GRID1: variants seen among roughly 807,000 people sequenced by gnomAD.
GRID1 encodes the protein glutamate receptor ionotropic, delta-1.
Under a neutral mutation model 98.0 loss-of-function variants are expected in GRID1, and 28 were observed. The observed-to-expected ratio is 0.29, with a 90% CI of 0.21 to 0.39. The LOEUF (loss-of-function observed/expected upper bound fraction) is 0.39. Among genes scored for constraint, GRID1 ranks in the 10% least tolerant of loss-of-function variants. GRID1 has a pLI of 1.00. For missense variants in GRID1, 1,111 were observed against 1,340.5 expected (o/e 0.83, Z 2.67); for synonymous variants, 553 against 538.5 (o/e 1.03, Z -0.37).
chr10:85,654,453 AT>A (rs2132561412), intron 12 of GRID1, among the ~76,000 whole-genome samples: 1 of 152,362 alleles, frequency 6.6e-6, no homozygotes, highest in Non-Finnish European at 1.5e-5. Context: ...TACGTTATAA[AT>A]AAAAAATGTG....
chr10:85,861,233 G>C (rs1843161220), intron 6 of GRID1, among the ~76,000 whole-genome samples: 1 of 152,124 alleles, frequency 6.6e-6, no homozygotes, highest in Non-Finnish European at 1.5e-5. Flanking sequence ...AGGCACAAAG[G>C]GATCATGTCT....
chr10:85,744,207 A>G (rs182946731), intron 8 of GRID1, among the ~76,000 whole-genome samples: 3 of 152,286 alleles, frequency 2.0e-5, no homozygotes, highest in African/African-American at 7.2e-5. Context: ...CTATAGTCTT[A>G]AAGATGTACC....
At chr10:86,024,649 C>T (rs1427717645) in intron 4 of GRID1, among the ~76,000 whole-genome samples, 1 of 152,176 alleles carries the variant, frequency 6.6e-6, no homozygotes, top group African/African-American at 2.4e-5. Context: ...TTGTTCTGAG[C>T]CCCACCTCTC....
intron 12 of GRID1, among the ~76,000 whole-genome samples, chr10:85,713,162 C>T: frequency 6.6e-6 from 1 of 151,136 alleles, no homozygotes; most frequent in East Asian, 1.9e-4. Flanking sequence ...ATTGGAAAAC[C>T]TTTAGCTAGA....
At chr10:85,857,134 T>G (rs987804659) in intron 6 of GRID1, among the ~76,000 whole-genome samples, 9 of 152,226 alleles carry the variant, frequency 5.9e-5, no homozygotes, top group African/African-American at 2.2e-4. Context: ...GTGCCTGCTC[T>G]GCAGTGGAGT....
chr10:85,878,368 G>T (rs1020807585), intron 5 of GRID1, among the ~76,000 whole-genome samples: 3 of 152,130 alleles, frequency 2.0e-5, no homozygotes, highest in Non-Finnish European at 4.4e-5. Context: ...GGCAGCCAGA[G>T]AGAAAGGTCG....
intron 4 of GRID1, among the ~76,000 whole-genome samples, chr10:86,073,966 G>C (rs1429195930): frequency 1.5e-5 from 2 of 136,558 alleles, no homozygotes; most frequent in Non-Finnish European, 3.3e-5. Flanking sequence ...GGGAGGGTGG[G>C]GGAAATTCCC....
chr10:86,170,766 A>T (rs1255152283), intron 3 of GRID1, among the ~76,000 whole-genome samples: 3 of 152,182 alleles, frequency 2.0e-5, no homozygotes, highest in Non-Finnish European at 2.9e-5. Flanking sequence ...CTTCTTGGGG[A>T]TGTGTCAGAG....
chr10:86,266,667 G>A (rs1369407563), intron 2 of GRID1, among the ~76,000 whole-genome samples: 1 of 152,242 alleles, frequency 6.6e-6, no homozygotes, highest in Non-Finnish European at 1.5e-5. Flanking sequence ...TGGCAAGAGA[G>A]ATAAGAAAAG....
At chr10:86,266,053 C>T (rs778401660) in intron 2 of GRID1, among the ~76,000 whole-genome samples, 5 of 152,074 alleles carry the variant, frequency 3.3e-5, no homozygotes, top group Non-Finnish European at 7.4e-5. Context: ...CCCCGTGGAG[C>T]GCTGAGACAA....
At chr10:85,913,870 G>A (rs546279480) in intron 5 of GRID1, among the ~76,000 whole-genome samples, 2 of 152,302 alleles carry the variant, frequency 1.3e-5, no homozygotes, top group South Asian at 4.1e-4. Context: ...AAGAAAGGAG[G>A]AAGATGAGGC....
chr10:85,755,116 C>CATACT, intron 8 of GRID1, among the ~76,000 whole-genome samples: 1 of 152,044 alleles, frequency 6.6e-6, no homozygotes, highest in Non-Finnish European at 1.5e-5. Context: ...CTGTTTTGGC[C>CATACT]GGCCCTTTTT....
In GRID1 at chr10:85,774,792, G is replaced by A. The variant is rs866926249; in HGVS notation, c.1234-45178C>T. Among the ~76,000 whole-genome samples the A allele has an allele frequency of 3.7e-3, 549 of 150,166 alleles. 3 individuals are homozygous for A. Among genetic ancestry groups the A allele is most frequent in the African/African-American group, 0.013 (522 of 41,222 alleles). ...CACAATGAGATACCATCTCACACCA[G>A]TTAGAATGGCAATCATTAAAAAGTC... On this transcript the variant is annotated intron_variant, in intron 8 of 15. Coordinates refer to ENST00000327946, the MANE Select transcript of GRID1 (RefSeq NM_017551.3).
chr10:86,184,857 A>G (rs1275747461), intron 3 of GRID1, among the ~76,000 whole-genome samples: 1 of 152,216 alleles, frequency 6.6e-6, no homozygotes, highest in African/African-American at 2.4e-5. Flanking sequence ...TAAACTAGCA[A>G]TGGACAATTG....
intron 2 of GRID1, among the ~76,000 whole-genome samples, chr10:86,228,485 G>T (rs59954242): frequency 1.3e-5 from 2 of 151,930 alleles, no homozygotes; most frequent in Non-Finnish European, 2.9e-5. Context: ...GCCTGCAGCC[G>T]CTGCCTTCCA....
chr10:85,631,741 A>G (rs919469334), intron 13 of GRID1, among the ~76,000 whole-genome samples: 3 of 152,218 alleles, frequency 2.0e-5, no homozygotes, highest in Non-Finnish European at 2.9e-5. Context: ...ATCTAATCTG[A>G]GTTATTCCAT....
At chr10:85,774,814 A>G (rs1842312673) in intron 8 of GRID1, among the ~76,000 whole-genome samples, 1 of 150,602 alleles carries the variant, frequency 6.6e-6, no homozygotes. Flanking sequence ...ATCATTAAAA[A>G]GTCAGGAAAC....
chr10:85,604,133 A>C (rs1299868805), intron 15 of GRID1, among the ~76,000 whole-genome samples: 9 of 152,110 alleles, frequency 5.9e-5, no homozygotes, highest in Admixed American at 5.9e-4. Flanking sequence ...TCCTCAAGCA[A>C]GGAGGTGAAG....
chr10:86,055,481 C>T (rs940730568), intron 4 of GRID1, among the ~76,000 whole-genome samples: 2 of 151,942 alleles, frequency 1.3e-5, no homozygotes, highest in Non-Finnish European at 2.9e-5. Flanking sequence ...AAGAAGAGAC[C>T]CCTGTAATCC....
Sources: gnomAD v4.1 joint callset for allele counts (sites outside exome capture counted in the v4.1 genomes callset) on GRCh38, gnomAD v4.1.1 for gene constraint, MANE v1.5 for transcripts, NCBI Gene and HGNC (gene_info 2026-07-23, HGNC 2026-07-21) for gene names.